The following DSCAM variants were observed in gnomAD, a reference collection of about 807,000 sequenced individuals.
DSCAM encodes the protein cell adhesion molecule DSCAM.
In DSCAM, 47 loss-of-function variants were observed where a neutral mutation model predicts 217.7. The ratio of observed to expected loss-of-function variants is 0.22; its 90% CI spans 0.17 to 0.28. The LOEUF (loss-of-function observed/expected upper bound fraction) is 0.28. Ranked by LOEUF, DSCAM falls within the 10% of genes least tolerant of loss-of-function variation. The probability of loss-of-function intolerance (pLI) is 1.00; values close to 1 mark genes in which losing one functional copy is unlikely to be tolerated. For missense variants in DSCAM, 2,080 were observed against 2,618.3 expected, an observed-to-expected ratio of 0.79 and a Z score of 4.49; for synonymous variants, 1,056 against 1,015.3, an observed-to-expected ratio of 1.04 and a Z score of -0.76.
chr21:40,373,099 G>A (rs2074915315), intron 3 of DSCAM, among the ~76,000 whole-genome samples: 1 of 152,194 alleles, frequency 6.6e-6, no homozygotes, highest in Non-Finnish European at 1.5e-5. Context: ...AGAGCAGTGG[G>A]TTCTGAAACT....
intron 1 of DSCAM, among the ~76,000 whole-genome samples, chr21:40,812,667 G>A (rs924027036): frequency 2.6e-5 from 4 of 152,200 alleles, no homozygotes; most frequent in African/African-American, 9.6e-5. Context: ...GAACATATAG[G>A]TCTGAAGCTC....
At chr21:40,063,792 C>T (rs541757451) in intron 27 of DSCAM, among the ~76,000 whole-genome samples, 2 of 152,234 alleles carry the variant, frequency 1.3e-5, no homozygotes, top group Non-Finnish European at 2.9e-5. Flanking sequence ...TAAACGTAGT[C>T]AGTTTCTGCA....
In DSCAM at chr21:40,080,303, C is replaced by G. The variant is rs1297770157; in HGVS notation, c.4269G>C (p.Gln1423His). ...TGGGGCTGATTGGAAAACTCCCCCA[C>G]TGCTCACTATTGTCCTCGGAGTACT... ...ILQYSEDNSE[Q>H]WGSFPISPSE... The change falls in exon 25 of 33, where the codon CAG becomes CAC. Residue 1423 changes from glutamine (Q) to histidine (H), a missense_variant. Gln to His is a conservative substitution (Grantham distance 24). Transcript: ENST00000400454. 1 of 1,613,286 alleles carries G rather than the reference C, an allele frequency of 6.2e-7. No individual in the cohort carries two copies. Among genetic ancestry groups the G allele is most frequent in the African/African-American group, 1.3e-5 (1 of 74,918 alleles).
chr21:40,556,259 A>C (rs1441616904), intron 3 of DSCAM, among the ~76,000 whole-genome samples: 1 of 152,190 alleles, frequency 6.6e-6, no homozygotes, highest in African/African-American at 2.4e-5. Flanking sequence ...ATATGTATAA[A>C]TTTTGACTCC....
chr21:40,398,476 TCA>T, intron 3 of DSCAM, among the ~76,000 whole-genome samples: 1 of 152,268 alleles, frequency 6.6e-6, no homozygotes, highest in East Asian at 1.9e-4. Flanking sequence ...TTGCTTGCTG[TCA>T]CACAGATACA....
chr21:40,187,029 T>A, intron 14 of DSCAM, 102 bp downstream of exon 14: 2 of 1,447,528 alleles, frequency 1.4e-6, no homozygotes, highest in Non-Finnish European at 1.9e-6. Context: ...TCTGAGCTCC[T>A]GTGAGCTGAG....
At chr21:40,161,133 G>A (rs892751486) in intron 16 of DSCAM, among the ~76,000 whole-genome samples, 2 of 152,140 alleles carry the variant, frequency 1.3e-5, no homozygotes, top group African/African-American at 4.8e-5. Context: ...CTCTAGGCTG[G>A]AAACCAAGGG....
intron 3 of DSCAM, among the ~76,000 whole-genome samples, chr21:40,431,571 C>T (rs2075532581): frequency 6.6e-6 from 1 of 152,154 alleles, no homozygotes; most frequent in Admixed American, 6.5e-5. Flanking sequence ...GATCCACTTC[C>T]ACCTAATGAA....
At chr21:40,159,838 T>C (rs769234491) in intron 16 of DSCAM, among the ~76,000 whole-genome samples, 1 of 152,244 alleles carries the variant, frequency 6.6e-6, no homozygotes, top group Non-Finnish European at 1.5e-5. Context: ...CCGCCTTGGC[T>C]TCCCAAAATG....
intron 11 of DSCAM, among the ~76,000 whole-genome samples, chr21:40,193,828 G>A (rs1294872085): frequency 6.6e-6 from 1 of 152,010 alleles, no homozygotes; most frequent in African/African-American, 2.4e-5. Flanking sequence ...CCAAATCCAG[G>A]GTAGTTTAAC....
chr21:40,468,115 T>C (rs1393905685), intron 3 of DSCAM, among the ~76,000 whole-genome samples: 1 of 152,218 alleles, frequency 6.6e-6, no homozygotes, highest in Admixed American at 6.5e-5. Flanking sequence ...TCTGCCCATC[T>C]GAGACAAATG....
intron 10 of DSCAM, among the ~76,000 whole-genome samples, chr21:40,280,059 C>T (rs142636375): frequency 4.1e-4 from 63 of 151,850 alleles, no homozygotes; most frequent in Admixed American, 1.4e-3. Flanking sequence ...AGCAAACCAC[C>T]GTGGCACATT....
chr21:40,819,362 C>A (rs2091908376), intron 1 of DSCAM, among the ~76,000 whole-genome samples: 1 of 152,228 alleles, frequency 6.6e-6, no homozygotes, highest in Admixed American at 6.5e-5. Flanking sequence ...TGTGAACCTT[C>A]CCCAGACAGT....
chr21:40,146,331 G>C (rs139062122), intron 16 of DSCAM, among the ~76,000 whole-genome samples: 1 of 152,202 alleles, frequency 6.6e-6, no homozygotes, highest in African/African-American at 2.4e-5. Flanking sequence ...AGCCTGCAAA[G>C]GGTGCACACC....
intron 5 of DSCAM, among the ~76,000 whole-genome samples, chr21:40,353,038 G>A (rs2074650037): frequency 6.6e-6 from 1 of 152,200 alleles, no homozygotes; most frequent in Admixed American, 6.5e-5. Context: ...TGGAGAAATG[G>A]TCTGGAAACA....
intron 32 of DSCAM, among the ~76,000 whole-genome samples, chr21:40,035,439 G>T: frequency 8.0e-6 from 1 of 124,828 alleles, no homozygotes; most frequent in East Asian, 2.1e-4. Context: ...TAATGGTAAA[G>T]GGATCAATTC....
At chr21:40,615,534 T>C (rs1216889381) in intron 3 of DSCAM, 1 of 152,134 alleles carries the variant, frequency 6.6e-6, no homozygotes, top group Admixed American at 6.5e-5. Flanking sequence ...CATGGCTAAA[T>C]ATTCCCCAAC....
At chr21:40,421,935 A>C (rs914552652) in intron 3 of DSCAM, among the ~76,000 whole-genome samples, 4 of 152,206 alleles carry the variant, frequency 2.6e-5, no homozygotes, top group Non-Finnish European at 5.9e-5. Flanking sequence ...TCCCTGCCTA[A>C]GACAAACTGA....
At chr21:40,654,614 G>A (rs769347813) in intron 3 of DSCAM, among the ~76,000 whole-genome samples, 19 of 152,154 alleles carry the variant, frequency 1.2e-4, no homozygotes, top group Non-Finnish European at 2.2e-4. Flanking sequence ...AGTGTGTTTT[G>A]TGTTTTCCAG....
Sources: gnomAD v4.1 joint callset for allele counts (sites outside exome capture counted in the v4.1 genomes callset) on GRCh38, gnomAD v4.1.1 for gene constraint, MANE v1.5 for transcripts, NCBI Gene and HGNC (gene_info 2026-07-23, HGNC 2026-07-21) for gene names.